Variants in MGAT4C observed in about 807,000 individuals in gnomAD.
MGAT4C encodes alpha-1,3-mannosyl-glycoprotein 4-beta-N-acetylglucosaminyltransferase C.
Under a neutral mutation model 40.1 loss-of-function variants are expected in MGAT4C, and 19 were observed. The observed-to-expected ratio is 0.47, with a 90% CI of 0.33 to 0.70. The LOEUF is 0.70. Among genes scored for constraint, MGAT4C ranks in the 30% least tolerant of loss-of-function variants. The pLI, the probability that MGAT4C is intolerant of heterozygous loss-of-function variation, is 0.02. For missense variants in MGAT4C, 491 were observed against 563.2 expected, an observed-to-expected ratio of 0.87 and a Z score of 1.30; for synonymous variants, 181 against 187.1, an observed-to-expected ratio of 0.97 and a Z score of 0.27.
chr12:86,472,224 A>G (rs1162545332), intron 2 of MGAT4C, among the ~76,000 whole-genome samples: 2 of 152,168 alleles, frequency 1.3e-5, no homozygotes, highest in African/African-American at 4.8e-5. Context: ...CAGCGACTGT[A>G]GGCCATTTGA....
At chr12:86,707,686 G>A (rs542069410) in intron 2 of MGAT4C, among the ~76,000 whole-genome samples, 3 of 151,824 alleles carry the variant, frequency 2.0e-5, no homozygotes, top group African/African-American at 7.2e-5. Flanking sequence ...ACATGCTGCC[G>A]TACCATGCTA....
chr12:86,129,935 T>G (rs1200169276), intron 1 of MGAT4C, among the ~76,000 whole-genome samples: 1 of 152,312 alleles, frequency 6.6e-6, no homozygotes, highest in Admixed American at 6.5e-5. Flanking sequence ...GCACATGCAC[T>G]GTGTGAAAAA....
intron 1 of MGAT4C, among the ~76,000 whole-genome samples, chr12:86,167,176 C>T (rs1264968956): frequency 6.6e-6 from 1 of 152,130 alleles, no homozygotes; most frequent in African/African-American, 2.4e-5. Flanking sequence ...TCAATAATTA[C>T]TCTATGGCAA....
chr12:86,411,271 C>T (rs917829114), intron 3 of MGAT4C, among the ~76,000 whole-genome samples: 3 of 152,028 alleles, frequency 2.0e-5, no homozygotes, highest in Non-Finnish European at 2.9e-5. Flanking sequence ...AAGAAGAAGA[C>T]AAGAAAATGA....
chr12:86,222,084 C>A (rs1020025962), intron 1 of MGAT4C, among the ~76,000 whole-genome samples: 1 of 152,156 alleles, frequency 6.6e-6, no homozygotes, highest in African/African-American at 2.4e-5. Flanking sequence ...TAGTACATAT[C>A]ATACAGACAT....
intron 3 of MGAT4C, among the ~76,000 whole-genome samples, chr12:86,413,851 T>C (rs2136248119): frequency 6.6e-6 from 1 of 152,204 alleles, no homozygotes. Context: ...CGTGGGAGTT[T>C]GGACATGTTA....
At chr12:86,448,989 A>G (rs931262563) in intron 2 of MGAT4C, among the ~76,000 whole-genome samples, 1 of 152,208 alleles carries the variant, frequency 6.6e-6, no homozygotes, top group African/African-American at 2.4e-5. Flanking sequence ...TATTAAATCT[A>G]CAGATGTTCA....
chr12:86,663,202 T>C (rs527350749), intron 2 of MGAT4C, among the ~76,000 whole-genome samples: 10 of 150,170 alleles, frequency 6.7e-5, no homozygotes, highest in Non-Finnish European at 1.3e-4. Flanking sequence ...CTACAGAAAA[T>C]ACGAAAAATT....
intron 2 of MGAT4C, among the ~76,000 whole-genome samples, chr12:86,591,015 T>C (rs1593020605): frequency 6.6e-6 from 1 of 152,000 alleles, no homozygotes; most frequent in South Asian, 2.1e-4. Flanking sequence ...TGGGAGTATA[T>C]GTTACATGGA....
rs559120293 is a variant in MGAT4C at position 86,146,148 on chromosome 12, T to C, written c.-56-96425A>G. Among the ~76,000 whole-genome samples, 54 of 152,264 alleles carry C rather than the reference T, an allele frequency of 3.5e-4. 1 individual carries two copies. In the South Asian group the frequency reaches 5.2e-3, roughly 15 times the overall value. ...CAAAATAAACATTTTCTTACTTTGT[T>C]TTCTATGATCCGAAGACCTGAAACC... On this transcript the variant is annotated intron_variant, in intron 1 of 4. Transcript: ENST00000611864.
rs1883638317 is a variant in MGAT4C at position 85,971,913 on chromosome 12, G to C, written c.*7376C>G. The C allele has an allele frequency of 6.6e-6, 1 of 151,158 alleles. No individual in the cohort carries two copies. The highest frequency in any genetic ancestry group is 6.6e-5 in the Admixed American group (1 of 15,136). The allele number at this position is 151,158 out of a possible 1,614,324, so 9.4% of individuals were successfully genotyped here. On this transcript the variant is annotated 3_prime_UTR_variant, in exon 5 of 5. Coordinates refer to ENST00000611864, the MANE Select transcript of MGAT4C (RefSeq NM_001351288.2). Reference sequence around the variant, plus strand: ...TTTGTCAATAGTCAGAATTGAATGAGAGATAGGTTGTTGGGAATATTCAGG... The same window carrying C: ...TTTGTCAATAGTCAGAATTGAATGACAGATAGGTTGTTGGGAATATTCAGG...
chr12:86,203,754 T>TTGAGACCAGACTGACCAACGTGG (rs1409682407), intron 1 of MGAT4C, among the ~76,000 whole-genome samples: 1 of 151,748 alleles, frequency 6.6e-6, no homozygotes, highest in Non-Finnish European at 1.5e-5. Context: ...GGTCAGGAGT[T>TTGAGACCAGACTGACCAACGTGG]TGAGACCAGA....
At chr12:86,153,882 A>G (rs558301060) in intron 1 of MGAT4C, among the ~76,000 whole-genome samples, 1 of 152,280 alleles carries the variant, frequency 6.6e-6, no homozygotes, top group South Asian at 2.1e-4. Context: ...GTGAAAATAG[A>G]CTAATACACT....
At chr12:85,990,671 AC>A (rs1288888344) in intron 2 of MGAT4C, among the ~76,000 whole-genome samples, 3 of 152,134 alleles carry the variant, frequency 2.0e-5, no homozygotes, top group Non-Finnish European at 4.4e-5. Flanking sequence ...AATATATAAG[AC>A]TTAATATATG....
intron 1 of MGAT4C, among the ~76,000 whole-genome samples, chr12:86,112,169 A>G (rs1404669736): frequency 2.6e-5 from 4 of 151,748 alleles, no homozygotes; most frequent in Non-Finnish European, 5.9e-5. Flanking sequence ...ATAGTTATTG[A>G]AGTGAGATTC....
At chr12:86,615,000 TATC>T (rs1406492783) in intron 2 of MGAT4C, among the ~76,000 whole-genome samples, 2 of 152,006 alleles carry the variant, frequency 1.3e-5, no homozygotes, top group Non-Finnish European at 2.9e-5. Flanking sequence ...TATTAGAGTA[TATC>T]ATCTTGTTTA....
chr12:86,489,924 G>A (rs1007928336), intron 2 of MGAT4C, among the ~76,000 whole-genome samples: 1 of 152,164 alleles, frequency 6.6e-6, no homozygotes, highest in Non-Finnish European at 1.5e-5. Context: ...GGGACTATGT[G>A]AAAAGACCAA....
intron 1 of MGAT4C, among the ~76,000 whole-genome samples, chr12:86,156,709 G>T (rs1884980702): frequency 6.6e-6 from 1 of 152,072 alleles, no homozygotes; most frequent in African/African-American, 2.4e-5. Flanking sequence ...TTCACTATTT[G>T]TTTAGAAAAA....
At chr12:86,284,639 A>G (rs61055142) in intron 4 of MGAT4C, among the ~76,000 whole-genome samples, 3,411 of 152,086 alleles carry the variant, frequency 0.022, 125 homozygotes, top group African/African-American at 0.078. Flanking sequence ...GTGGAATCAA[A>G]TAGGAAACCA....
Sources: gnomAD v4.1 joint callset for allele counts (sites outside exome capture counted in the v4.1 genomes callset) on GRCh38, gnomAD v4.1.1 for gene constraint, MANE v1.5 for transcripts, NCBI Gene and HGNC (gene_info 2026-07-23, HGNC 2026-07-21) for gene names.